WDR88: variants seen among roughly 807,000 people sequenced by gnomAD.
The protein encoded by WDR88 is WD repeat-containing protein 88.
WDR88 carries 40 observed loss-of-function variants against 46.8 expected under a neutral mutation model. That is an observed-to-expected ratio of 0.86 (90% CI 0.66 to 1.11). The LOEUF is 1.11. Ranked by LOEUF, WDR88 falls within the 50% of genes most tolerant of loss-of-function variation. The probability of loss-of-function intolerance (pLI) is 0.00; values close to 1 mark genes in which losing one functional copy is unlikely to be tolerated. For synonymous variants in WDR88, 235 were observed against 240.7 expected (o/e 0.98, Z 0.22); for missense variants, 562 against 602.4 (o/e 0.93, Z 0.70).
chr19:33,143,423 C>T lies in WDR88; in HGVS notation c.388-1421C>T, dbSNP rs566539622. Among the ~76,000 whole-genome samples the T allele has an allele frequency of 4.1e-5, 6 of 144,960 alleles. 1 individual carries two copies. The highest frequency in any genetic ancestry group is 7.7e-5 in the African/African-American group (3 of 38,844). ...CTTTTGGAGGTTGAGGCAGGAGGATCGCTTGAGCCAAGGAGTTTGAGACCA... is the reference window on the plus strand; with the variant it reads ...CTTTTGGAGGTTGAGGCAGGAGGATTGCTTGAGCCAAGGAGTTTGAGACCA... On this transcript the variant is annotated intron_variant, in intron 2 of 10. Coordinates refer to ENST00000355868, the MANE Select transcript of WDR88 (RefSeq NM_173479.4).
intron 9 of WDR88, among the ~76,000 whole-genome samples, chr19:33,167,194 T>G (rs1646372139): frequency 6.6e-6 from 1 of 151,922 alleles, no homozygotes; most frequent in South Asian, 2.1e-4. Flanking sequence ...AATCCAACAG[T>G]ACATTAAAAG....
At chr19:33,164,869 T>C (rs1225711044) in intron 9 of WDR88, among the ~76,000 whole-genome samples, 1 of 152,046 alleles carries the variant, frequency 6.6e-6, no homozygotes, top group Non-Finnish European at 1.5e-5. Flanking sequence ...GTGCACTTTA[T>C]TATTATTACA....
chr19:33,166,265 G>A (rs972393178), intron 9 of WDR88, among the ~76,000 whole-genome samples: 2 of 126,472 alleles, frequency 1.6e-5, no homozygotes, highest in Non-Finnish European at 3.2e-5. Context: ...GCCAAACAGT[G>A]AGACTGGTTG....
intron 8 of WDR88, among the ~76,000 whole-genome samples, chr19:33,162,464 C>T (rs1054788089): frequency 2.0e-5 from 3 of 151,928 alleles, no homozygotes; most frequent in South Asian, 2.1e-4. Context: ...CTATCCGCCT[C>T]GGCCTCCCAA....
At chr19:33,160,826 TG>T (rs1367069944) in intron 8 of WDR88, among the ~76,000 whole-genome samples, 1 of 152,112 alleles carries the variant, frequency 6.6e-6, no homozygotes, top group African/African-American at 2.4e-5. Flanking sequence ...TCCAGGCAGA[TG>T]GAACAGCTGA....
chr19:33,137,593 A>G, intron 1 of WDR88, 84 bp from the exon 2 acceptor site: 2 of 1,245,024 alleles, frequency 1.6e-6, no homozygotes, highest in South Asian at 1.4e-5. Flanking sequence ...GTTTATTGCA[A>G]GTGTTTAGAA....
At chr19:33,133,889 C>A (rs1599874969) in intron 1 of WDR88, among the ~76,000 whole-genome samples, 1 of 152,228 alleles carries the variant, frequency 6.6e-6, no homozygotes, top group Non-Finnish European at 1.5e-5. Context: ...TGCCTCATGC[C>A]ATGGTCTGAC....
intron 7 of WDR88, 65 bp downstream of exon 7, chr19:33,156,607 C>T (rs1441800190): frequency 3.9e-6 from 6 of 1,521,352 alleles, no homozygotes; most frequent in Non-Finnish European, 5.3e-6. Context: ...TCTCCATGTT[C>T]CGTTCAAATG....
intron 9 of WDR88, among the ~76,000 whole-genome samples, chr19:33,166,608 A>T (rs1298132504): frequency 6.7e-6 from 1 of 150,282 alleles, no homozygotes; most frequent in Admixed American, 6.6e-5. Context: ...TTAAAAAAAA[A>T]TTATTGAATA....
chr19:33,143,217 C>G (rs1329074704), intron 2 of WDR88, among the ~76,000 whole-genome samples: 3 of 151,356 alleles, frequency 2.0e-5, no homozygotes, highest in Admixed American at 6.6e-5. Flanking sequence ...CTTCTGTAGT[C>G]CCAGCTACTC....
intron 9 of WDR88, among the ~76,000 whole-genome samples, chr19:33,168,516 C>T (rs1484687255): frequency 1.3e-5 from 2 of 152,128 alleles, no homozygotes; most frequent in African/African-American, 4.8e-5. Context: ...ATTCCATTTA[C>T]AATGGCATAT....
chr19:33,143,296 C>G (rs909112575), intron 2 of WDR88, among the ~76,000 whole-genome samples: 4 of 143,710 alleles, frequency 2.8e-5, no homozygotes, highest in African/African-American at 7.9e-5. Flanking sequence ...AATTGCACCA[C>G]TGCACTCAAG....
chr19:33,147,838 C>G (rs1366828085), intron 4 of WDR88, 130 bp downstream of exon 4: 1 of 761,762 alleles, frequency 1.3e-6, no homozygotes, highest in African/African-American at 1.8e-5. Flanking sequence ...GAGGCATGTT[C>G]CTGGGGATGG....
At chr19:33,156,053 A>C (rs1234173929) in intron 6 of WDR88, among the ~76,000 whole-genome samples, 1 of 152,226 alleles carries the variant, frequency 6.6e-6, no homozygotes, top group Non-Finnish European at 1.5e-5. Context: ...AACATAGCGA[A>C]ACACTGTCTC....
rs1973572708 is a variant in WDR88 at position 33,148,830 on chromosome 19, A to G, written c.599A>G (p.Tyr200Cys). 6.2e-7 allele frequency: 1 copy of G among 1,614,154 alleles called. No individual in the cohort carries two copies. Among genetic ancestry groups the G allele is most frequent in the Non-Finnish European group, 8.5e-7 (1 of 1,180,034 alleles). Residue 200 changes from tyrosine to cysteine, a missense_variant, in exon 5 of 11, where the codon TAC (tyrosine) becomes TGC (cysteine). By Grantham distance (194) the Tyr-to-Cys change is radical. Transcript: ENST00000355868. ...VSCKFSPDGK[Y>C]VVSGFDVDHG... is the part of the protein sequence containing the mutation. ...TGTAAGTTTTCTCCTGATGGTAAAT[A>G]CGTGGTCTCAGGCTTCGACGTGGAT...
intron 10 of WDR88, chr19:33,174,938 G>C (rs1974098951): frequency 1.0e-6 from 1 of 985,426 alleles, no homozygotes; most frequent in Non-Finnish European, 1.2e-6. Context: ...TGTGGGGTTA[G>C]AGATTCCAGA....
At chr19:33,148,050 G>A (rs13345614) in intron 4 of WDR88, among the ~76,000 whole-genome samples, 38,912 of 151,818 alleles carry the variant, frequency 0.26, 5,663 homozygotes, top group South Asian at 0.42. Flanking sequence ...CAGGCTCCCC[G>A]GTAAGATGTT....
intron 7 of WDR88, among the ~76,000 whole-genome samples, chr19:33,157,147 T>C (rs1183498030): frequency 4.0e-5 from 6 of 150,184 alleles, no homozygotes; most frequent in African/African-American, 1.5e-4. Flanking sequence ...CAGTGAGCTA[T>C]GATTGTGCTA....
intron 7 of WDR88, among the ~76,000 whole-genome samples, chr19:33,157,859 ATTGGCTCAGCT>A (rs1973792326): frequency 6.6e-6 from 1 of 151,264 alleles, no homozygotes; most frequent in Non-Finnish European, 1.5e-5. Context: ...GAAGACTCCC[ATTGGCTCAGCT>A]TGGGACACAT....
Sources: gnomAD v4.1 joint callset for allele counts (sites outside exome capture counted in the v4.1 genomes callset) on GRCh38, gnomAD v4.1.1 for gene constraint, MANE v1.5 for transcripts, NCBI Gene and HGNC (gene_info 2026-07-23, HGNC 2026-07-21) for gene names.